Variants in UCP3 observed in about 807,000 individuals in gnomAD.
The protein encoded by UCP3 is uncoupling protein 3.
A neutral mutation model predicts 28.1 loss-of-function variants in UCP3; 24 were observed. That is an observed-to-expected ratio of 0.85 (90% CI 0.62 to 1.20). The LOEUF (loss-of-function observed/expected upper bound fraction) is 1.20, where lower values mean the gene tolerates loss of function less well. Among genes scored for constraint, UCP3 ranks in the 50% most tolerant of loss-of-function variants. The pLI is 0.00. For synonymous variants in UCP3, 184 were observed against 171.2 expected (o/e 1.07, Z -0.59); for missense variants, 397 against 422.2 (o/e 0.94, Z 0.52).
rs755968037 is a variant in UCP3, at chr11:74,006,296, C to A, written c.210G>T (p.Arg70=). 6.2e-7 allele frequency: 1 copy of A among 1,612,066 alleles called. No individual in the cohort carries two copies. Among genetic ancestry groups the A allele is most frequent in the Non-Finnish European group, 8.5e-7 (1 of 1,179,794 alleles). Residue 70 remains arginine, a synonymous_variant, in exon 3 of 7, where the codon CGG becomes CGT. Transcript: ENST00000314032. ...GVLGTILTMV[R]TEGPCSPYNG... ...TGTAGGGGCTGCAGGGACCCTCAGT[C>A]CGCACCATGGTCAGGATGGTGCCCA...
intron 6 of UCP3, 161 bp downstream of exon 6, chr11:74,003,665 CT>C (rs1951636633): frequency 1.8e-5 from 26 of 1,458,070 alleles, no homozygotes; most frequent in East Asian, 2.4e-5. Context: ...GTATGGTTCA[CT>C]TTTTTTCTTT....
At chr11:74,003,583 G>C in intron 6 of UCP3, 1 of 1,244,256 alleles carries the variant, frequency 8.0e-7, no homozygotes, top group Non-Finnish European at 1.0e-6. Flanking sequence ...ACTTCCTCTG[G>C]AGACAGGCAG....
chr11:74,006,407 C>T lies in UCP3; in HGVS notation c.127-28G>A, dbSNP rs573078341. 2.0e-6 allele frequency: 3 copies of T among 1,514,262 alleles called. No homozygotes were observed. In the South Asian group the frequency reaches 3.9e-5, roughly 20 times the overall value. 93.8% of individuals were successfully genotyped at this position (1,514,262 alleles called of 1,614,324 possible). A position where few individuals can be genotyped will look rare whatever the true frequency, so the allele number is the denominator to read the frequency against. ...GAGGGACAATAGCAGGGGGTGAGGA[C>T]TCAGATGGGAAGGCAAGAAGGGGCT... On this transcript the variant is annotated intron_variant, in intron 2 of 6. Transcript: ENST00000314032.
intron 4 of UCP3, among the ~76,000 whole-genome samples, chr11:74,004,808 C>G (rs748018756): frequency 6.6e-6 from 1 of 152,198 alleles, no homozygotes; most frequent in Non-Finnish European, 1.5e-5. Context: ...TCCTCAGAGA[C>G]AGAGAACAGA....
chr11:74,003,527 T>C, intron 6 of UCP3: 1 of 1,114,490 alleles, frequency 9.0e-7, no homozygotes, highest in Non-Finnish European at 1.1e-6. Context: ...GTCAGTGTGG[T>C]GCTCAATGGC....
chr11:74,001,172 C>A lies in UCP3; in HGVS notation c.*240G>T, dbSNP rs184136454. The stretch of plus-strand genomic sequence containing the variant: ...AATATTAGGCATGCCTAATGGGTTT[C>A]AAAAATTAATATAATTTATTTTCCA... On this transcript the variant is annotated 3_prime_UTR_variant, in exon 7 of 7. Coordinates refer to ENST00000314032, the MANE Select transcript of UCP3 (RefSeq NM_003356.4). 5.7e-4 allele frequency: 306 copies of A among 539,996 alleles called. No individual in the cohort carries two copies. Among genetic ancestry groups the A allele is most frequent in the Non-Finnish European group, 1.1e-4 (34 of 302,836 alleles). The allele number at this position is 539,996 out of a possible 1,614,324, so 33.5% of individuals were successfully genotyped here.
At chr11:74,004,379 T>C in intron 5 of UCP3, 105 bp downstream of exon 5, 1 of 1,040,560 alleles carries the variant, frequency 9.6e-7, no homozygotes, top group Non-Finnish European at 1.4e-6. Flanking sequence ...CTTCTCTCTC[T>C]GCTCCTTCTA....
chr11:74,003,645 T>TC, intron 6 of UCP3, 182 bp downstream of exon 6: 1 of 1,429,898 alleles, frequency 7.0e-7, no homozygotes, highest in Non-Finnish European at 9.1e-7. Context: ...TCCCTAACCC[T>TC]CCCCATCAGG....
chr11:74,001,382 C>A lies in UCP3; in HGVS notation c.*30G>T, dbSNP rs368564754. The A allele has an allele frequency of 6.2e-7, 1 of 1,608,420 alleles. No homozygotes were observed. Reference sequence around the variant, plus strand: ...TTCCATTCTTAACTGGTTTCGGACACGTTAGCTACCAGTGGCCTTCTTGTC... The same window carrying A: ...TTCCATTCTTAACTGGTTTCGGACAAGTTAGCTACCAGTGGCCTTCTTGTC... On this transcript the variant is annotated 3_prime_UTR_variant, in exon 7 of 7. Transcript: ENST00000314032.
intron 5 of UCP3, 83 bp from the exon 6 acceptor site, chr11:74,004,090 G>A (rs181391310): frequency 2.6e-5 from 41 of 1,567,510 alleles, no homozygotes; most frequent in East Asian, 4.7e-5. Flanking sequence ...CAACTCAACC[G>A]TGAACTCCCT....
chr11:74,004,411 G>A (rs1951643629), intron 5 of UCP3, 73 bp downstream of exon 5: 2 of 1,410,118 alleles, frequency 1.4e-6, no homozygotes, highest in Non-Finnish European at 2.0e-6. Flanking sequence ...CCTCTGGGTG[G>A]TGCCCACTCC....
chr11:74,001,677 T>TC (rs1951622973), intron 6 of UCP3, 151 bp from the exon 7 acceptor site: 4 of 657,418 alleles, frequency 6.1e-6, no homozygotes, highest in Non-Finnish European at 1.0e-5. Context: ...CTCTCTCTCT[T>TC]TTTTTTTTCT....
intron 1 of UCP3, among the ~76,000 whole-genome samples, chr11:74,007,940 A>G (rs1951679723): frequency 6.6e-6 from 1 of 152,006 alleles, no homozygotes; most frequent in African/African-American, 2.4e-5. Context: ...CAAAAGTGGA[A>G]CCCTCATTAC....
In UCP3 at chr11:74,006,959, G is replaced by T; in HGVS notation, c.84C>A (p.Asp28Glu). Residue 28 changes from aspartate (D) to glutamate (E), a missense_variant, in exon 2 of 7, where the codon GAC becomes GAA. Asp to Glu is a conservative substitution (Grantham distance 45). Transcript: ENST00000314032. ...LGAGTAACFA[D>E]LVTFPLDTAK... ...CTGTGTCCAGTGGAAAGGTAACGAG[G>T]TCAGCAAAACAGGCTGCTGTGCCTG... The T allele has an allele frequency of 6.2e-7, 1 of 1,614,226 alleles. No homozygotes were observed.
intron 2 of UCP3, 97 bp downstream of exon 2, chr11:74,006,820 C>A: frequency 6.3e-7 from 1 of 1,590,290 alleles, no homozygotes; most frequent in East Asian, 2.2e-5. Context: ...TGTCAGGGTT[C>A]TGAGGAAGGG....
At chr11:74,007,477 C>T (rs1007552331) in intron 1 of UCP3, among the ~76,000 whole-genome samples, 3 of 151,948 alleles carry the variant, frequency 2.0e-5, no homozygotes, top group Non-Finnish European at 4.4e-5. Flanking sequence ...GTTACCTGGG[C>T]TGGAGTGCAG....
chr11:74,005,337 A>G (rs1003080480), intron 4 of UCP3, among the ~76,000 whole-genome samples: 6 of 152,106 alleles, frequency 3.9e-5, no homozygotes, highest in African/African-American at 1.2e-4. Context: ...CCACACACCT[A>G]GAGCCTGTTC....
At chr11:74,006,712 G>A (rs1298385921) in intron 2 of UCP3, among the ~76,000 whole-genome samples, 3 of 152,202 alleles carry the variant, frequency 2.0e-5, no homozygotes, top group African/African-American at 7.2e-5. Flanking sequence ...CCCATAAAGG[G>A]CCCTGTCACA....
chr11:74,006,068 TC>T, intron 3 of UCP3, 100 bp downstream of exon 3: 2 of 1,566,034 alleles, frequency 1.3e-6, no homozygotes, highest in East Asian at 4.6e-5. Context: ...GGTACCAGCT[TC>T]CCCCCGCCCC....
Sources: allele counts gnomAD v4.1 joint callset (sites outside exome capture counted in the v4.1 genomes callset), GRCh38; gene constraint gnomAD v4.1.1; transcripts MANE v1.5; gene names NCBI Gene and HGNC (gene_info 2026-07-23, HGNC 2026-07-21).